The following ACAD11 variants were observed in gnomAD, a reference collection of about 807,000 sequenced individuals.
ACAD11 encodes the protein acyl-CoA dehydrogenase family member 11, also known as acyl-Coenzyme A dehydrogenase family, member 11.
In ACAD11, 83 loss-of-function variants were observed where a neutral mutation model predicts 102.2. The observed-to-expected ratio is 0.81, with a 90% CI of 0.68 to 0.97. ACAD11 has a LOEUF of 0.97. Ranked by LOEUF, ACAD11 falls within the 50% of genes least tolerant of loss-of-function variation. The pLI, the probability that ACAD11 is intolerant of heterozygous loss-of-function variation, is 0.00. For missense variants in ACAD11, 901 were observed against 951.7 expected, an observed-to-expected ratio of 0.95 and a Z score of 0.70; for synonymous variants, 324 against 319.8, an observed-to-expected ratio of 1.01 and a Z score of -0.14.
rs538795765 is a variant in ACAD11 at position 132,641,041 on chromosome 3, G to A, written c.537+931C>T. ...ACTTCCACCCTTTGAATCATGGTGA[G>A]TATCAAACAATTTACCACTAGATTT... On this transcript the variant is annotated intron_variant, in intron 4 of 19. Transcript: ENST00000264990. 7.9e-5 allele frequency among the ~76,000 whole-genome samples: 12 copies of A among 152,218 alleles called. No homozygotes were observed. In the South Asian group the frequency reaches 2.5e-3, roughly 32 times the overall value.
intron 1 of ACAD11, among the ~76,000 whole-genome samples, chr3:132,657,354 T>G (rs1357047031): frequency 6.6e-6 from 1 of 152,228 alleles, no homozygotes; most frequent in Non-Finnish European, 1.5e-5. Flanking sequence ...TGTGCTAATA[T>G]CATACCATCT....
At chr3:132,573,309 C>A (rs372021995) in intron 17 of ACAD11, among the ~76,000 whole-genome samples, 1 of 152,086 alleles carries the variant, frequency 6.6e-6, no homozygotes, top group East Asian at 1.9e-4. Flanking sequence ...TTGAAACATA[C>A]CTAGTCTGAA....
At chr3:132,655,153 C>T (rs1310813446) in intron 1 of ACAD11, among the ~76,000 whole-genome samples, 1 of 152,212 alleles carries the variant, frequency 6.6e-6, no homozygotes, top group Admixed American at 6.5e-5. Flanking sequence ...TGACTATATA[C>T]TTACACTATG....
intron 13 of ACAD11, among the ~76,000 whole-genome samples, chr3:132,584,150 A>G (rs2107799841): frequency 6.6e-6 from 1 of 152,224 alleles, no homozygotes; most frequent in Non-Finnish European, 1.5e-5. Flanking sequence ...TCTAACGTTG[A>G]CAGTGGGGTG....
At chr3:132,642,984 T>A (rs1406057220) in intron 2 of ACAD11, among the ~76,000 whole-genome samples, 182 bp from the exon 3 acceptor site, 1 of 152,188 alleles carries the variant, frequency 6.6e-6, no homozygotes, top group Non-Finnish European at 1.5e-5. Flanking sequence ...ACTATGATTA[T>A]AAATTAGACC....
chr3:132,561,359 G>A (rs1243958025), intron 17 of ACAD11, 142 bp from the exon 18 acceptor site: 4 of 697,686 alleles, frequency 5.7e-6, no homozygotes, highest in Non-Finnish European at 1.0e-5. Context: ...ATTTTTAAAT[G>A]GAAGAGTTAA....
At chr3:132,630,349 A>T in intron 7 of ACAD11, 88 bp downstream of exon 7, 1 of 1,347,782 alleles carries the variant, frequency 7.4e-7, no homozygotes, top group Non-Finnish European at 9.9e-7. Flanking sequence ...TCTAAGGATA[A>T]AGAATATAAA....
rs563342981 is a variant in ACAD11 at position 132,579,280 on chromosome 3, T to A, written c.1688+212A>T. ...AGCAACACTTTCTAATACTGAAAAT[T>A]CCACAGCGAAGAATGTTCAGCAATA... On this transcript the variant is annotated intron_variant, in intron 14 of 19. Coordinates refer to ENST00000264990, the MANE Select transcript of ACAD11 (RefSeq NM_032169.5). The A allele has an allele frequency of 1.4e-4, 90 of 622,710 alleles. No homozygotes were observed. In the South Asian group the frequency reaches 1.8e-3, roughly 12 times the overall value. The allele number at this position is 622,710 out of a possible 1,614,324, so 38.6% of individuals were successfully genotyped here. A position where few individuals can be genotyped will look rare whatever the true frequency, so the allele number is the denominator to read the frequency against.
rs1404236084 is a variant in ACAD11 at position 132,558,284 on chromosome 3, G to A, written c.*687C>T. ...TTTCTTGTGGTTTTACAGATTTCAA[G>A]GTGCTTCTACGTGGCTTCAGCAATT... On this transcript the variant is annotated 3_prime_UTR_variant, in exon 20 of 20. Coordinates refer to ENST00000264990, the MANE Select transcript of ACAD11 (RefSeq NM_032169.5). 1 of 152,062 alleles carries A rather than the reference G, an allele frequency of 6.6e-6. No homozygotes were observed. The highest frequency in any genetic ancestry group is 1.5e-5 in the Non-Finnish European group (1 of 68,012). 9.4% of individuals were successfully genotyped at this position (152,062 alleles called of 1,614,324 possible). A position where few individuals can be genotyped will look rare whatever the true frequency, so the allele number is the denominator to read the frequency against.
rs1940525618 is a variant in ACAD11, at chr3:132,641,698, G to GAAGAAGAAGAA, written c.537+273_537+274insTTCTTCTTCTT. Among the ~76,000 whole-genome samples the GAAGAAGAAGAA allele has an allele frequency of 7.8e-4, 91 of 116,674 alleles. 1 individual carries two copies. The highest frequency in any genetic ancestry group is 3.6e-3 in the African/African-American group (87 of 24,060). 76.5% of individuals were successfully genotyped at this position (116,674 alleles called of 152,430 possible). A position where few individuals can be genotyped will look rare whatever the true frequency, so the allele number is the denominator to read the frequency against. On this transcript the variant is annotated intron_variant, in intron 4 of 19. Coordinates refer to ENST00000264990, the MANE Select transcript of ACAD11 (RefSeq NM_032169.5). ...AGGAAGAGGAAGAGGAAGAGGAAGAGGAAGAAGAAGAAGAAGAAGAAGAAG... is the reference window on the plus strand; with the variant it reads ...AGGAAGAGGAAGAGGAAGAGGAAGAGAAGAAGAAGAAGAAGAAGAAGAAGAAGAAGAAGAAG...
intron 1 of ACAD11, among the ~76,000 whole-genome samples, chr3:132,652,478 T>C (rs1160128284): frequency 6.6e-6 from 1 of 152,224 alleles, no homozygotes; most frequent in African/African-American, 2.4e-5. Flanking sequence ...AACCACTACC[T>C]TGAATACACC....
chr3:132,624,587 A>T (rs2107856123), intron 9 of ACAD11, among the ~76,000 whole-genome samples: 1 of 100,258 alleles, frequency 1.0e-5, no homozygotes, highest in Admixed American at 1.1e-4. Flanking sequence ...CCTGGGCAAC[A>T]GAGCAAGACT....
At position 132,597,781 on chromosome 3, in the gene ACAD11, A is replaced by T. The variant is rs1384815903; in HGVS notation, c.1621+5448T>A. 3.9e-5 allele frequency among the ~76,000 whole-genome samples: 6 copies of T among 152,136 alleles called. No homozygotes were observed. The East Asian group carries it at 9.7e-4, about 24-fold the overall frequency. On this transcript the variant is annotated intron_variant, in intron 13 of 19. Coordinates refer to ENST00000264990, the MANE Select transcript of ACAD11 (RefSeq NM_032169.5). ...ATTCCCTTCCTTAATATATTATAAT[A>T]TTTGGCCATATTATTTCTTATCATC...
intron 5 of ACAD11, among the ~76,000 whole-genome samples, chr3:132,635,816 C>T (rs1300310367): frequency 1.3e-5 from 2 of 151,958 alleles, no homozygotes; most frequent in African/African-American, 4.8e-5. Flanking sequence ...ACTCCTTTCT[C>T]TATGACTTTA....
intron 9 of ACAD11, among the ~76,000 whole-genome samples, chr3:132,622,331 C>A (rs1418680469): frequency 6.6e-6 from 1 of 152,090 alleles, no homozygotes; most frequent in African/African-American, 2.4e-5. Context: ...ATGAACAGCC[C>A]TTCTCATTTC....
chr3:132,642,937 T>G, intron 2 of ACAD11, 135 bp from the exon 3 acceptor site: 1 of 791,116 alleles, frequency 1.3e-6, no homozygotes. Flanking sequence ...CAGAGGATAA[T>G]AGTAATAACT....
Position 132,558,169 on chromosome 3 carries a change from A to G in ACAD11, c.*802T>C, listed in dbSNP as rs1185249140. The stretch of plus-strand genomic sequence containing the variant: ...GGACCAGATATAGCCTTTAATTCCT[A>G]ATGTTCAAAAACAATCCTGTCTTCT... On this transcript the variant is annotated 3_prime_UTR_variant, in exon 20 of 20. Coordinates refer to ENST00000264990, the MANE Select transcript of ACAD11 (RefSeq NM_032169.5). The G allele has an allele frequency of 6.6e-6, 1 of 152,112 alleles. No homozygotes were observed. Among genetic ancestry groups the G allele is most frequent in the Admixed American group, 6.5e-5 (1 of 15,268 alleles). 9.4% of individuals were successfully genotyped at this position (152,112 alleles called of 1,614,324 possible). A position where few individuals can be genotyped will look rare whatever the true frequency, so the allele number is the denominator to read the frequency against.
At chr3:132,577,658 G>A (rs1387861274) in intron 15 of ACAD11, among the ~76,000 whole-genome samples, 3 of 152,076 alleles carry the variant, frequency 2.0e-5, no homozygotes, top group African/African-American at 4.8e-5. Flanking sequence ...CCTTCTCCCT[G>A]CCAAGTTTTA....
chr3:132,631,352 C>G lies in ACAD11; in HGVS notation c.830G>C (p.Ser277Thr), dbSNP rs1268747654. 6.8e-7 allele frequency: 1 copy of G among 1,475,452 alleles called. No homozygotes were observed. Among genetic ancestry groups the G allele is most frequent in the African/African-American group, 1.4e-5 (1 of 70,640 alleles). 91.4% of individuals were successfully genotyped at this position (1,475,452 alleles called of 1,614,324 possible). Reference sequence around the variant, plus strand: ...TTATGTTTTTATACCTGAGTTTTCACTATAAGAACCTTGATTTATCATTGG... The same window carrying G: ...TTATGTTTTTATACCTGAGTTTTCAGTATAAGAACCTTGATTTATCATTGG... ...TVPMINQGSY[S>T]ENSGIPSMEE... Residue 277 changes from serine to threonine, a missense_variant, in exon 6 of 20, where the codon AGT becomes ACT. Ser to Thr is a moderately conservative substitution (Grantham distance 58). Transcript: ENST00000264990.
Sources: allele counts gnomAD v4.1 joint callset (sites outside exome capture counted in the v4.1 genomes callset), GRCh38; gene constraint gnomAD v4.1.1; transcripts MANE v1.5; gene names NCBI Gene and HGNC (gene_info 2026-07-23, HGNC 2026-07-21).